Variants in PIP5K1B observed in about 807,000 individuals in gnomAD.
PIP5K1B encodes phosphatidylinositol 4-phosphate 5-kinase type-1 beta.
A neutral mutation model predicts 67.0 loss-of-function variants in PIP5K1B; 42 were observed. That is an observed-to-expected ratio of 0.63 (90% CI 0.49 to 0.81). PIP5K1B has a LOEUF of 0.81. PIP5K1B is among the 30% of genes least tolerant of loss of function. The probability of loss-of-function intolerance (pLI) is 0.00; values close to 1 mark genes in which losing one functional copy is unlikely to be tolerated. For missense variants in PIP5K1B, 459 were observed against 646.3 expected (o/e 0.71, Z 3.14); for synonymous variants, 214 against 231.4 (o/e 0.92, Z 0.68).
chr9:68,843,945 A>G (rs1822052233), intron 4 of PIP5K1B, among the ~76,000 whole-genome samples: 1 of 152,184 alleles, frequency 6.6e-6, no homozygotes, highest in Admixed American at 6.5e-5. Flanking sequence ...GTGGCTCAGG[A>G]GACAGGCAGA....
At chr9:68,832,352 A>C (rs1834368113) in intron 4 of PIP5K1B, among the ~76,000 whole-genome samples, 1 of 152,238 alleles carries the variant, frequency 6.6e-6, no homozygotes, top group Non-Finnish European at 1.5e-5. Flanking sequence ...CAACTCAATA[A>C]TAATCTTCTC....
At chr9:68,838,426 A>G (rs1821748937) in intron 4 of PIP5K1B, among the ~76,000 whole-genome samples, 1 of 152,194 alleles carries the variant, frequency 6.6e-6, no homozygotes, top group Non-Finnish European at 1.5e-5. Flanking sequence ...TGTACACACA[A>G]GTTATTAATA....
intron 6 of PIP5K1B, among the ~76,000 whole-genome samples, chr9:68,884,356 C>CAA (rs538756433): frequency 8.5e-4 from 103 of 120,620 alleles, no homozygotes; most frequent in African/African-American, 2.3e-3. Flanking sequence ...ATACATTCCT[C>CAA]AAAAAAAAAA....
At chr9:68,803,840 G>A (rs191537189) in intron 2 of PIP5K1B, among the ~76,000 whole-genome samples, 29 of 152,334 alleles carry the variant, frequency 1.9e-4, no homozygotes, top group Non-Finnish European at 5.9e-5. Flanking sequence ...GGTAGCCAAG[G>A]GAAGAGGGAC....
At chr9:68,723,695 GTTTTTTT>G (rs36021674) in intron 1 of PIP5K1B, among the ~76,000 whole-genome samples, 1 of 50,126 alleles carries the variant, frequency 2.0e-5, no homozygotes, top group Non-Finnish European at 3.6e-5. Flanking sequence ...GAAGTATTTG[GTTTTTTT>G]TTTTTTTTTT....
intron 1 of PIP5K1B, among the ~76,000 whole-genome samples, chr9:68,710,334 C>T (rs1160839002): frequency 6.6e-6 from 1 of 152,072 alleles, no homozygotes; most frequent in Non-Finnish European, 1.5e-5. Context: ...TGCTGAGTGC[C>T]AGAGAACTGG....
At chr9:68,855,869 T>A (rs1822750870) in intron 4 of PIP5K1B, among the ~76,000 whole-genome samples, 1 of 152,182 alleles carries the variant, frequency 6.6e-6, no homozygotes. Flanking sequence ...TGCTTCTGAG[T>A]TCTTCAAATC....
intron 2 of PIP5K1B, among the ~76,000 whole-genome samples, chr9:68,762,204 C>A (rs921082598): frequency 3.3e-5 from 5 of 151,940 alleles, no homozygotes; most frequent in Non-Finnish European, 1.5e-5. Context: ...AAACTATGTC[C>A]TTTTAAAAGA....
chr9:68,983,660 A>G (rs1829982770), intron 14 of PIP5K1B, among the ~76,000 whole-genome samples: 1 of 152,192 alleles, frequency 6.6e-6, no homozygotes, highest in Non-Finnish European at 1.5e-5. Context: ...AGCTGGGAGC[A>G]GTAGTAGCTC....
intron 14 of PIP5K1B, among the ~76,000 whole-genome samples, chr9:68,972,336 A>G (rs898019166): frequency 1.3e-5 from 2 of 152,092 alleles, no homozygotes; most frequent in Non-Finnish European, 2.9e-5. Flanking sequence ...GTTCTGTTCC[A>G]TTGGTGTATA....
intron 7 of PIP5K1B, among the ~76,000 whole-genome samples, chr9:68,893,329 T>C (rs1456104494): frequency 5.0e-5 from 4 of 80,030 alleles, no homozygotes; most frequent in South Asian, 4.3e-4. Flanking sequence ...TCCCTATTTT[T>C]TTTCTTTTTT....
At chr9:68,918,314 T>TC (rs1826203204) in intron 9 of PIP5K1B, among the ~76,000 whole-genome samples, 1 of 152,162 alleles carries the variant, frequency 6.6e-6, no homozygotes, top group Admixed American at 6.5e-5. Context: ...GGTCTCAAAC[T>TC]CCTGGCCTCA....
chr9:68,737,182 GCTTT>G (rs1027427210), intron 1 of PIP5K1B, among the ~76,000 whole-genome samples: 5 of 152,168 alleles, frequency 3.3e-5, no homozygotes, highest in African/African-American at 1.2e-4. Context: ...CACCAGGTTT[GCTTT>G]CTGTCAATTA....
intron 1 of PIP5K1B, among the ~76,000 whole-genome samples, chr9:68,708,866 G>A (rs981390521): frequency 1.3e-5 from 2 of 152,126 alleles, no homozygotes; most frequent in Non-Finnish European, 2.9e-5. Flanking sequence ...TATTATTAAT[G>A]GATCTGCAAT....
At chr9:68,777,588 A>T (rs1293097659) in intron 2 of PIP5K1B, among the ~76,000 whole-genome samples, 1 of 152,212 alleles carries the variant, frequency 6.6e-6, no homozygotes, top group Non-Finnish European at 1.5e-5. Context: ...CCAGCTCTAC[A>T]AGGACAAGGG....
At chr9:68,740,905 G>C (rs529300396) in intron 1 of PIP5K1B, among the ~76,000 whole-genome samples, 1 of 152,322 alleles carries the variant, frequency 6.6e-6, no homozygotes, top group South Asian at 2.1e-4. Context: ...AAGCCACTTG[G>C]TGTGTCAGAG....
At chr9:68,915,435 T>C (rs915286903) in intron 8 of PIP5K1B, among the ~76,000 whole-genome samples, 1 of 152,182 alleles carries the variant, frequency 6.6e-6, no homozygotes, top group Admixed American at 6.5e-5. Context: ...TATCTGTTAG[T>C]GTTTTCTTTT....
At chr9:68,945,888 G>A (rs1461382853) in intron 14 of PIP5K1B, among the ~76,000 whole-genome samples, 6 of 152,114 alleles carry the variant, frequency 3.9e-5, no homozygotes, top group Non-Finnish European at 7.4e-5. Context: ...TCATCTTTTT[G>A]CCTTTTCTTT....
At chr9:68,867,184 C>CA (rs1823400791) in intron 5 of PIP5K1B, among the ~76,000 whole-genome samples, 1 of 105,984 alleles carries the variant, frequency 9.4e-6, no homozygotes, top group Non-Finnish European at 2.4e-5. Context: ...ACATTTGATG[C>CA]ATTTTTTTTT....
Sources: allele counts gnomAD v4.1 joint callset (sites outside exome capture counted in the v4.1 genomes callset), GRCh38; gene constraint gnomAD v4.1.1; transcripts MANE v1.5; gene names NCBI Gene and HGNC (gene_info 2026-07-23, HGNC 2026-07-21).